Variants in SDCCAG8 observed in about 807,000 individuals in gnomAD.
The protein encoded by SDCCAG8 is serologically defined colon cancer antigen 8.
In SDCCAG8, 74 loss-of-function variants were observed where a neutral mutation model predicts 101.8. The ratio of observed to expected loss-of-function variants is 0.73; its 90% CI spans 0.60 to 0.88. SDCCAG8 has a LOEUF of 0.88. SDCCAG8 is among the 40% of genes least tolerant of loss of function. SDCCAG8 has a pLI of 0.00. For missense variants in SDCCAG8, 787 were observed against 822.6 expected (o/e 0.96, Z 0.53); for synonymous variants, 281 against 292.9 (o/e 0.96, Z 0.41).
intron 16 of SDCCAG8, among the ~76,000 whole-genome samples, chr1:243,451,681 T>C (rs540693356): frequency 1.3e-5 from 2 of 152,214 alleles, no homozygotes; most frequent in East Asian, 3.9e-4. Context: ...TCCCAGCACT[T>C]TGGAGGCCAA....
intron 12 of SDCCAG8, among the ~76,000 whole-genome samples, chr1:243,355,693 C>A (rs1012222977): frequency 1.2e-4 from 19 of 152,190 alleles, no homozygotes; most frequent in Non-Finnish European, 4.4e-5. Context: ...GCAGCCTTGA[C>A]CTCCTGGGTT....
chr1:243,377,045 A>C (rs2077640228), intron 12 of SDCCAG8, among the ~76,000 whole-genome samples: 1 of 152,114 alleles, frequency 6.6e-6, no homozygotes, highest in Non-Finnish European at 1.5e-5. Flanking sequence ...CTGAGGCATG[A>C]ATTTTCTCTA....
chr1:243,304,841 T>A (rs1027982846), intron 7 of SDCCAG8, 64 bp downstream of exon 7: 17 of 987,022 alleles, frequency 1.7e-5, no homozygotes, highest in Non-Finnish European at 2.6e-5. Flanking sequence ...TATATTTGAA[T>A]GTTTGCTGAA....
At chr1:243,388,488 T>C (rs1190496740) in intron 13 of SDCCAG8, among the ~76,000 whole-genome samples, 2 of 152,248 alleles carry the variant, frequency 1.3e-5, no homozygotes, top group Non-Finnish European at 2.9e-5. Context: ...GAAGTGCTCT[T>C]ACTAGGGGAA....
intron 15 of SDCCAG8, among the ~76,000 whole-genome samples, chr1:243,424,887 C>A (rs1475020383): frequency 1.3e-5 from 2 of 151,748 alleles, no homozygotes; most frequent in African/African-American, 2.4e-5. Context: ...GATCAATGTT[C>A]TGCATTTTTT....
At chr1:243,372,851 A>G (rs573835963) in intron 12 of SDCCAG8, among the ~76,000 whole-genome samples, 1 of 147,954 alleles carries the variant, frequency 6.8e-6, no homozygotes, top group South Asian at 2.1e-4. Context: ...AAAAAAAATT[A>G]TCTGGGTATG....
chr1:243,384,590 C>CCA (rs113914411), intron 13 of SDCCAG8, among the ~76,000 whole-genome samples: 23,384 of 149,300 alleles, frequency 0.16, 1,926 homozygotes, highest in Non-Finnish European at 0.18. Context: ...TGTTTAAAAA[C>CCA]CACACACACA....
chr1:243,283,483 T>C (rs1054361995), intron 4 of SDCCAG8, among the ~76,000 whole-genome samples: 1 of 151,026 alleles, frequency 6.6e-6, no homozygotes, highest in Non-Finnish European at 1.5e-5. Flanking sequence ...AATTTTTCTG[T>C]CTTCAGTTTT....
intron 16 of SDCCAG8, among the ~76,000 whole-genome samples, chr1:243,470,620 G>GT (rs1661064334): frequency 6.6e-6 from 1 of 151,984 alleles, no homozygotes; most frequent in Non-Finnish European, 1.5e-5. Flanking sequence ...AAAAAGCCCT[G>GT]TGTCGGTGCC....
intron 16 of SDCCAG8, among the ~76,000 whole-genome samples, chr1:243,428,741 A>G (rs997241384): frequency 6.6e-6 from 1 of 152,246 alleles, no homozygotes; most frequent in Non-Finnish European, 1.5e-5. Flanking sequence ...ACCATCTGCA[A>G]TTGAGAGAAA....
intron 9 of SDCCAG8, among the ~76,000 whole-genome samples, 162 bp downstream of exon 9, chr1:243,317,055 C>G (rs2073313864): frequency 6.6e-6 from 1 of 151,830 alleles, no homozygotes; most frequent in Non-Finnish European, 1.5e-5. Context: ...AACAAATTTG[C>G]TATTTGGAGA....
intron 6 of SDCCAG8, among the ~76,000 whole-genome samples, chr1:243,302,913 T>C (rs1558261744): frequency 6.6e-6 from 1 of 152,138 alleles, no homozygotes; most frequent in East Asian, 1.9e-4. Flanking sequence ...ATTATTGTTG[T>C]AGAAAAAGCC....
At chr1:243,452,523 A>G (rs1159249826) in intron 16 of SDCCAG8, among the ~76,000 whole-genome samples, 1 of 140,242 alleles carries the variant, frequency 7.1e-6, no homozygotes, top group East Asian at 2.1e-4. Flanking sequence ...CCTGGCCTGT[A>G]GGGATCCTCC....
At chr1:243,482,214 T>G (rs1386719306) in intron 16 of SDCCAG8, among the ~76,000 whole-genome samples, 1 of 152,250 alleles carries the variant, frequency 6.6e-6, no homozygotes, top group African/African-American at 2.4e-5. Context: ...TCTATAAAGT[T>G]GTTTTGTATT....
chr1:243,472,720 G>A (rs986141128), intron 16 of SDCCAG8, among the ~76,000 whole-genome samples: 82 of 152,194 alleles, frequency 5.4e-4, no homozygotes, highest in Non-Finnish European at 6.5e-4. Context: ...ATGAAACCTG[G>A]AGAATGTGTG....
intron 12 of SDCCAG8, among the ~76,000 whole-genome samples, chr1:243,374,595 CA>C (rs2077483861): frequency 6.6e-6 from 1 of 151,996 alleles, no homozygotes; most frequent in Non-Finnish European, 1.5e-5. Flanking sequence ...TATACCCAGC[CA>C]AACAATCAAG....
chr1:243,383,877 C>G (rs1442217442), intron 13 of SDCCAG8, among the ~76,000 whole-genome samples: 1 of 152,134 alleles, frequency 6.6e-6, no homozygotes, highest in East Asian at 1.9e-4. Flanking sequence ...CACATAGCTC[C>G]CCTTTTTCCC....
chr1:243,287,902 G>C (rs1387522825), intron 5 of SDCCAG8, among the ~76,000 whole-genome samples: 1 of 152,134 alleles, frequency 6.6e-6, no homozygotes, highest in African/African-American at 2.4e-5. Context: ...AATGCAAAAG[G>C]GGAAGGAAAT....
intron 13 of SDCCAG8, among the ~76,000 whole-genome samples, chr1:243,399,487 A>G (rs1163625144): frequency 6.6e-6 from 1 of 152,032 alleles, no homozygotes; most frequent in Non-Finnish European, 1.5e-5. Context: ...CACTTCTTAG[A>G]ACTTTTTTTA....
Sources: gnomAD v4.1 joint callset for allele counts (sites outside exome capture counted in the v4.1 genomes callset) on GRCh38, gnomAD v4.1.1 for gene constraint, MANE v1.5 for transcripts, NCBI Gene and HGNC (gene_info 2026-07-23, HGNC 2026-07-21) for gene names.